Variants in SLC35F1 observed in about 807,000 individuals in gnomAD.
The protein encoded by SLC35F1 is chromosome 6 open reading frame 169.
SLC35F1 carries 14 observed loss-of-function variants against 48.7 expected under a neutral mutation model. That is an observed-to-expected ratio of 0.29 (90% CI 0.19 to 0.45). The LOEUF is 0.45. Ranked by LOEUF, SLC35F1 falls within the 20% of genes least tolerant of loss-of-function variation. The pLI is 1.00. For synonymous variants in SLC35F1, 190 were observed against 202.2 expected (o/e 0.94, Z 0.51); for missense variants, 404 against 500.0 (o/e 0.81, Z 1.83).
At chr6:117,931,118 G>T (rs1776096003) in intron 1 of SLC35F1, among the ~76,000 whole-genome samples, 1 of 152,092 alleles carries the variant, frequency 6.6e-6, no homozygotes, top group Non-Finnish European at 1.5e-5. Context: ...TATTGGTGTT[G>T]TTCATTGTTT....
At chr6:118,301,911 G>A (rs528131907) in intron 7 of SLC35F1, among the ~76,000 whole-genome samples, 2 of 152,256 alleles carry the variant, frequency 1.3e-5, no homozygotes, top group Admixed American at 1.3e-4. Context: ...TTGGCACCAG[G>A]AAACAACCAT....
intron 1 of SLC35F1, among the ~76,000 whole-genome samples, chr6:117,961,185 T>C (rs1274720585): frequency 6.6e-6 from 1 of 152,176 alleles, no homozygotes; most frequent in Non-Finnish European, 1.5e-5. Context: ...GGAACCTCTA[T>C]AATGAACTCC....
chr6:118,139,976 A>G (rs1309552221), intron 1 of SLC35F1, among the ~76,000 whole-genome samples: 2 of 152,142 alleles, frequency 1.3e-5, no homozygotes, highest in Non-Finnish European at 1.5e-5. Flanking sequence ...TTGAAGTTTT[A>G]CTTCATTTTC....
intron 7 of SLC35F1, among the ~76,000 whole-genome samples, chr6:118,302,991 A>AAC (rs1268479611): frequency 6.6e-6 from 1 of 151,624 alleles, no homozygotes; most frequent in Non-Finnish European, 1.5e-5. Flanking sequence ...AAAAAAAAAA[A>AAC]AACATTAAAC....
intron 7 of SLC35F1, among the ~76,000 whole-genome samples, chr6:118,291,783 GA>G (rs1776126277): frequency 6.6e-6 from 1 of 152,140 alleles, no homozygotes; most frequent in South Asian, 2.1e-4. Context: ...ATGTTGTGTG[GA>G]AAAGGGTTTA....
At chr6:118,305,601 C>T (rs1285032247) in intron 7 of SLC35F1, among the ~76,000 whole-genome samples, 1 of 152,156 alleles carries the variant, frequency 6.6e-6, no homozygotes, top group African/African-American at 2.4e-5. Flanking sequence ...TAACCCTTGC[C>T]TTACAAGCAG....
In SLC35F1 at chr6:117,958,989, T is replaced by G. The variant is rs142237130; in HGVS notation, c.173+51090T>G. On this transcript the variant is annotated intron_variant, in intron 1 of 7. Transcript: ENST00000360388. Reference sequence around the variant, plus strand: ...CTGTGGAATTCCTGTTTTGGAGAGATAGTTTAGTGAACTAAGAGCATGGAC... The same window carrying G: ...CTGTGGAATTCCTGTTTTGGAGAGAGAGTTTAGTGAACTAAGAGCATGGAC... Among the ~76,000 whole-genome samples the G allele has an allele frequency of 2.7e-3, 413 of 152,332 alleles. 1 individual carries two copies. Among genetic ancestry groups the G allele is most frequent in the African/African-American group, 9.7e-3 (402 of 41,572 alleles).
At chr6:118,126,669 T>C (rs1393135843) in intron 1 of SLC35F1, among the ~76,000 whole-genome samples, 1 of 151,682 alleles carries the variant, frequency 6.6e-6, no homozygotes, top group Non-Finnish European at 1.5e-5. Flanking sequence ...AGCAGTGGTT[T>C]GTAGTTCTCC....
At chr6:117,987,967 G>C (rs1184116393) in intron 1 of SLC35F1, among the ~76,000 whole-genome samples, 1 of 152,146 alleles carries the variant, frequency 6.6e-6, no homozygotes, top group Non-Finnish European at 1.5e-5. Flanking sequence ...TGCAGTTAGA[G>C]CCCAACAGCG....
chr6:118,286,275 C>T (rs907079859), intron 7 of SLC35F1, among the ~76,000 whole-genome samples: 1 of 152,180 alleles, frequency 6.6e-6, no homozygotes, highest in Admixed American at 6.5e-5. Flanking sequence ...GGTATTACAG[C>T]CACCATCCGC....
intron 1 of SLC35F1, 72 bp from the exon 2 acceptor site, chr6:118,154,373 A>G: frequency 7.1e-7 from 1 of 1,407,750 alleles, no homozygotes; most frequent in Non-Finnish European, 9.7e-7. Context: ...AGTGCTCAAA[A>G]AGTTTTAATT....
chr6:118,052,648 G>A (rs1217667655), intron 1 of SLC35F1, among the ~76,000 whole-genome samples: 2 of 152,110 alleles, frequency 1.3e-5, no homozygotes, highest in African/African-American at 2.4e-5. Flanking sequence ...TAAGGAAAAA[G>A]TGTGTCATCA....
intron 2 of SLC35F1, among the ~76,000 whole-genome samples, chr6:118,189,140 T>C (rs572010834): frequency 1.3e-5 from 2 of 152,256 alleles, no homozygotes; most frequent in Non-Finnish European, 2.9e-5. Flanking sequence ...CTTGAACTCC[T>C]GGACTCGCAA....
chr6:117,965,625 C>T (rs1196084308), intron 1 of SLC35F1, among the ~76,000 whole-genome samples: 1 of 152,220 alleles, frequency 6.6e-6, no homozygotes, highest in African/African-American at 2.4e-5. Flanking sequence ...TCCCACCCCA[C>T]AGCTGGGGTG....
chr6:118,225,794 T>TGAAA (rs2114569554), intron 2 of SLC35F1, among the ~76,000 whole-genome samples: 1 of 149,896 alleles, frequency 6.7e-6, no homozygotes, highest in South Asian at 2.1e-4. Flanking sequence ...GAGAATGGCA[T>TGAAA]GAACCCGGGA....
At chr6:118,289,519 A>T (rs1776092110) in intron 7 of SLC35F1, among the ~76,000 whole-genome samples, 1 of 152,200 alleles carries the variant, frequency 6.6e-6, no homozygotes, top group South Asian at 2.1e-4. Flanking sequence ...GTACATTGGT[A>T]CCATTTTAGA....
chr6:118,048,816 C>A (rs1772339543), intron 1 of SLC35F1, among the ~76,000 whole-genome samples: 1 of 152,138 alleles, frequency 6.6e-6, no homozygotes, highest in African/African-American at 2.4e-5. Flanking sequence ...TCAATGCCAT[C>A]CCCATCAAGC....
chr6:118,223,557 A>G (rs1242936932), intron 2 of SLC35F1, among the ~76,000 whole-genome samples: 9 of 152,244 alleles, frequency 5.9e-5, no homozygotes, highest in African/African-American at 1.9e-4. Flanking sequence ...GAATGAACGT[A>G]TGGTGCCTCT....
chr6:117,993,110 C>T (rs1318315893), intron 1 of SLC35F1, among the ~76,000 whole-genome samples: 1 of 152,146 alleles, frequency 6.6e-6, no homozygotes, highest in Admixed American at 6.5e-5. Flanking sequence ...GAGAGAAGTG[C>T]CAACAGCCCA....
Sources: gnomAD v4.1 joint callset for allele counts (sites outside exome capture counted in the v4.1 genomes callset) on GRCh38, gnomAD v4.1.1 for gene constraint, MANE v1.5 for transcripts, NCBI Gene and HGNC (gene_info 2026-07-23, HGNC 2026-07-21) for gene names.